SMIM45: variants seen among roughly 807,000 people sequenced by gnomAD.
SMIM45 encodes small integral membrane protein 45.
chr22:41,956,077 A>G, the SMIM45 span, among the ~76,000 whole-genome samples: 34,515 of 150,248 alleles, frequency 0.23, 5,883 homozygotes, highest in African/African-American at 0.47. Context: ...TGGCGGGATC[A>G]CAGCTCACTG....
At chr22:41,951,724 G>A in the SMIM45 span, among the ~76,000 whole-genome samples, 3 of 152,178 alleles carry the variant, frequency 2.0e-5, no homozygotes, top group Admixed American at 2.0e-4. Flanking sequence ...CATAGGAAAT[G>A]TTACATTGAG....
chr22:41,955,754 C>G, the SMIM45 span, among the ~76,000 whole-genome samples: 1 of 145,848 alleles, frequency 6.9e-6, no homozygotes, highest in African/African-American at 2.6e-5. Context: ...TGCAGTGAGC[C>G]GAGATGGCGC....
chr22:41,953,319 C>T, the SMIM45 span, among the ~76,000 whole-genome samples: 1 of 152,158 alleles, frequency 6.6e-6, no homozygotes, highest in East Asian at 1.9e-4. Flanking sequence ...GTGAGGGCTT[C>T]TCTCCGACCT....
chr22:41,956,659 G>A, the SMIM45 span, among the ~76,000 whole-genome samples: 1 of 152,230 alleles, frequency 6.6e-6, no homozygotes, highest in African/African-American at 2.4e-5. Flanking sequence ...GCCCCATCCA[G>A]GGATCAGTCA....
chr22:41,947,295 C>G, the SMIM45 span: 1 of 583,720 alleles, frequency 1.7e-6, no homozygotes, highest in African/African-American at 1.9e-5. Flanking sequence ...GCCTTTGGTT[C>G]CACGCTCCAC....
chr22:41,950,094 C>T, the SMIM45 span, among the ~76,000 whole-genome samples: 252 of 149,924 alleles, frequency 1.7e-3, no homozygotes, highest in African/African-American at 5.8e-3. Flanking sequence ...ACCATTGAAC[C>T]GAAGCAACCT....
At chr22:41,955,855 T>C in the SMIM45 span, among the ~76,000 whole-genome samples, 2 of 151,812 alleles carry the variant, frequency 1.3e-5, no homozygotes, top group Non-Finnish European at 2.9e-5. Context: ...GTGGGTGCTA[T>C]TTCTATCCCC....
the SMIM45 span, among the ~76,000 whole-genome samples, chr22:41,956,230 C>G: frequency 6.6e-6 from 1 of 151,970 alleles, no homozygotes; most frequent in Non-Finnish European, 1.5e-5. Context: ...AGGCTGGTCT[C>G]GAAGTCCTGG....
At chr22:41,951,953 G>A in the SMIM45 span, among the ~76,000 whole-genome samples, 1 of 152,216 alleles carries the variant, frequency 6.6e-6, no homozygotes, top group Non-Finnish European at 1.5e-5. Context: ...AGCCTGCTGG[G>A]TGATTCCCCC....
the SMIM45 span, among the ~76,000 whole-genome samples, chr22:41,951,042 T>C: frequency 6.6e-6 from 1 of 152,202 alleles, no homozygotes; most frequent in African/African-American, 2.4e-5. Flanking sequence ...GTCCCACATA[T>C]GCTGGAAAGG....
the SMIM45 span, among the ~76,000 whole-genome samples, chr22:41,954,475 G>T: frequency 6.6e-6 from 1 of 152,244 alleles, no homozygotes; most frequent in East Asian, 1.9e-4. Context: ...CAAAATGCTG[G>T]AATTACAGGC....
the SMIM45 span, among the ~76,000 whole-genome samples, chr22:41,949,817 C>T: frequency 1.4e-4 from 21 of 152,242 alleles, 1 homozygote; most frequent in South Asian, 4.4e-3. Flanking sequence ...AGCCTGCACT[C>T]CACTTCACCG....
the SMIM45 span, chr22:41,947,023 G>A: frequency 1.2e-6 from 2 of 1,612,750 alleles, no homozygotes; most frequent in Admixed American, 1.7e-5. Flanking sequence ...CACCTACCAA[G>A]ATGGTGGCCG....
the SMIM45 span, chr22:41,947,246 G>A: frequency 4.8e-6 from 3 of 619,206 alleles, no homozygotes. Flanking sequence ...CTTTTCTGAG[G>A]GGCGTTCCAG....
the SMIM45 span, among the ~76,000 whole-genome samples, chr22:41,951,386 G>A: frequency 1.3e-5 from 2 of 152,234 alleles, no homozygotes; most frequent in African/African-American, 4.8e-5. Flanking sequence ...CTGAGAAGCT[G>A]AGGGCTCTGG....
the SMIM45 span, chr22:41,946,979 G>A: frequency 5.0e-6 from 8 of 1,605,168 alleles, no homozygotes; most frequent in Non-Finnish European, 6.8e-6. Context: ...CACCGCCCAG[G>A]AGGAAAAACC....
the SMIM45 span, chr22:41,958,455 A>G: frequency 2.0e-5 from 9 of 446,102 alleles, no homozygotes; most frequent in Admixed American, 9.6e-5. Context: ...CAGAGGGATA[A>G]GACCGTGGTA....
At chr22:41,951,660 G>A in the SMIM45 span, among the ~76,000 whole-genome samples, 68 of 152,194 alleles carry the variant, frequency 4.5e-4, no homozygotes, top group African/African-American at 1.5e-3. Context: ...GTGTGACCAT[G>A]AATAAGAATT....
At chr22:41,953,228 T>C in the SMIM45 span, among the ~76,000 whole-genome samples, 1 of 152,124 alleles carries the variant, frequency 6.6e-6, no homozygotes, top group Admixed American at 6.5e-5. Flanking sequence ...TTCCCTCCCC[T>C]GGGGCCACAG....
Sources: gnomAD v4.1 joint callset for allele counts (sites outside exome capture counted in the v4.1 genomes callset) on GRCh38, gnomAD v4.1.1 for gene constraint, MANE v1.5 for transcripts, NCBI Gene and HGNC (gene_info 2026-07-23, HGNC 2026-07-21) for gene names.